RBPMS: variants seen among roughly 807,000 people sequenced by gnomAD.
RBPMS encodes the protein RNA-binding protein with multiple splicing.
In RBPMS, 7 loss-of-function variants were observed where a neutral mutation model predicts 26.8. The ratio of observed to expected loss-of-function variants is 0.26; its 90% CI spans 0.15 to 0.49. The LOEUF is 0.49. RBPMS is among the 20% of genes least tolerant of loss of function. The pLI is 0.98. For missense variants in RBPMS, 186 were observed against 250.0 expected (o/e 0.74, Z 1.73); for synonymous variants, 96 against 93.3 (o/e 1.03, Z -0.17).
At chr8:30,510,107 C>A (rs895762298) in intron 5 of RBPMS, among the ~76,000 whole-genome samples, 4 of 152,172 alleles carry the variant, frequency 2.6e-5, no homozygotes, top group Non-Finnish European at 4.4e-5. Context: ...TGGGCTCTCA[C>A]AAAACATCAC....
chr8:30,441,395 T>A (rs1813059703), intron 1 of RBPMS, among the ~76,000 whole-genome samples: 1 of 152,148 alleles, frequency 6.6e-6, no homozygotes, highest in Admixed American at 6.5e-5. Flanking sequence ...TCATGGTAGC[T>A]AAAATTGCAG....
At chr8:30,500,234 G>C (rs1440683125) in intron 4 of RBPMS, among the ~76,000 whole-genome samples, 1 of 151,956 alleles carries the variant, frequency 6.6e-6, no homozygotes, top group African/African-American at 2.4e-5. Flanking sequence ...TTAACTGGTT[G>C]GTTGTCTCAT....
intron 6 of RBPMS, among the ~76,000 whole-genome samples, chr8:30,547,040 G>A (rs1585840256): frequency 6.6e-6 from 1 of 152,156 alleles, no homozygotes; most frequent in Admixed American, 6.5e-5. Context: ...AAGTAGATGG[G>A]AAGCCTGTAA....
chr8:30,496,201 CTCTG>C (rs1819925534), intron 4 of RBPMS, among the ~76,000 whole-genome samples: 1 of 148,188 alleles, frequency 6.7e-6, no homozygotes, highest in Non-Finnish European at 1.5e-5. Context: ...CGGAGTCTTG[CTCTG>C]TCTCCCAGGC....
At chr8:30,485,947 A>G (rs1439976726) in intron 4 of RBPMS, among the ~76,000 whole-genome samples, 1 of 152,264 alleles carries the variant, frequency 6.6e-6, no homozygotes, top group Non-Finnish European at 1.5e-5. Context: ...GAAAAAACAA[A>G]TGAAGATGCA....
rs113437348 is a variant in RBPMS at position 30,433,515 on chromosome 8, A to G, written c.67-41264A>G. Among the ~76,000 whole-genome samples the G allele has an allele frequency of 6.3e-3, 959 of 152,212 alleles. 13 individuals are homozygous for G. The highest frequency in any genetic ancestry group is 0.022 in the African/African-American group (905 of 41,530). ...GCAAAACCCTGTCTCTACTAACATT[A>G]CAAAAAATTAACCAGGTGTGGTGGT... is the stretch of plus-strand genomic sequence containing the variant. On this transcript the variant is annotated intron_variant, in intron 1 of 8. Coordinates refer to ENST00000397323, the MANE Select transcript of RBPMS (RefSeq NM_001008710.3).
intron 1 of RBPMS, among the ~76,000 whole-genome samples, chr8:30,393,223 T>C (rs1033437763): frequency 4.6e-5 from 7 of 152,096 alleles, no homozygotes; most frequent in African/African-American, 1.7e-4. Context: ...AAATCTGATA[T>C]ATGGTCTTTC....
intron 1 of RBPMS, among the ~76,000 whole-genome samples, chr8:30,459,886 T>C (rs1815691742): frequency 6.6e-6 from 1 of 152,370 alleles, no homozygotes; most frequent in Admixed American, 6.5e-5. Context: ...CCTCGCCCTT[T>C]TTTTCCTCTC....
intron 1 of RBPMS, among the ~76,000 whole-genome samples, chr8:30,440,082 A>G (rs985807644): frequency 6.6e-6 from 1 of 152,150 alleles, no homozygotes; most frequent in Admixed American, 6.6e-5. Flanking sequence ...ACACAAAACA[A>G]AAGTTTACCA....
intron 1 of RBPMS, among the ~76,000 whole-genome samples, chr8:30,458,839 G>A (rs1815549522): frequency 1.3e-5 from 2 of 152,104 alleles, no homozygotes; most frequent in African/African-American, 4.8e-5. Context: ...AGTCTCCTGT[G>A]TATCTGGGAC....
intron 7 of RBPMS, among the ~76,000 whole-genome samples, chr8:30,559,531 G>A (rs573516261): frequency 3.9e-5 from 6 of 152,186 alleles, no homozygotes; most frequent in Admixed American, 2.6e-4. Flanking sequence ...GCCTAACGTT[G>A]CTTCAGAGAA....
chr8:30,556,592 G>C (rs1826941943), intron 6 of RBPMS: 1 of 986,416 alleles, frequency 1.0e-6, no homozygotes, highest in Non-Finnish European at 1.2e-6. Flanking sequence ...GGCCGCACCA[G>C]TCACACCACT....
intron 4 of RBPMS, among the ~76,000 whole-genome samples, chr8:30,481,581 G>A (rs540874883): frequency 6.6e-6 from 1 of 151,518 alleles, no homozygotes; most frequent in South Asian, 2.1e-4. Context: ...CCTTTCTTTA[G>A]CACTGTCCTC....
intron 5 of RBPMS, among the ~76,000 whole-genome samples, chr8:30,533,286 T>C (rs1824428862): frequency 6.6e-6 from 1 of 152,196 alleles, no homozygotes; most frequent in African/African-American, 2.4e-5. Flanking sequence ...CTAGCCTGCC[T>C]CTGAAAGCAA....
At chr8:30,536,636 ATTT>A (rs1401360628) in intron 5 of RBPMS, among the ~76,000 whole-genome samples, 1 of 152,150 alleles carries the variant, frequency 6.6e-6, no homozygotes, top group African/African-American at 2.4e-5. Flanking sequence ...TTGTTTATAA[ATTT>A]TTTATTTTTA....
intron 1 of RBPMS, among the ~76,000 whole-genome samples, chr8:30,463,916 A>G (rs1482122337): frequency 6.6e-6 from 1 of 152,186 alleles, no homozygotes; most frequent in African/African-American, 2.4e-5. Flanking sequence ...GGGGAGGTGG[A>G]GGTGGGTGGA....
In RBPMS at chr8:30,456,618, G is replaced by A. The variant is rs182699905; in HGVS notation, c.67-18161G>A. Reference sequence around the variant, plus strand: ...ATTTGGAAATTCTTTCACTGGGATCGGAACAAATTACCTGTAATTAACAAT... The same window carrying A: ...ATTTGGAAATTCTTTCACTGGGATCAGAACAAATTACCTGTAATTAACAAT... On this transcript the variant is annotated intron_variant, in intron 1 of 8. Transcript: ENST00000397323. Among the ~76,000 whole-genome samples the A allele has an allele frequency of 1.5e-3, 223 of 152,096 alleles. 1 individual carries two copies. Among genetic ancestry groups the A allele is most frequent in the African/African-American group, 5.1e-3 (210 of 41,502 alleles).
At chr8:30,561,834 G>A in intron 7 of RBPMS, 3 of 984,202 alleles carry the variant, frequency 3.0e-6, no homozygotes, top group Non-Finnish European at 3.6e-6. Flanking sequence ...ATTTATGTAG[G>A]CCACAGAGAA....
intron 8 of RBPMS, among the ~76,000 whole-genome samples, chr8:30,568,914 G>A (rs112711001): frequency 0.013 from 1,977 of 152,012 alleles, 50 homozygotes; most frequent in African/African-American, 0.044. Context: ...CATTTACATG[G>A]CAGTTATGGA....
Sources: gnomAD v4.1 joint callset for allele counts (sites outside exome capture counted in the v4.1 genomes callset) on GRCh38, gnomAD v4.1.1 for gene constraint, MANE v1.5 for transcripts, NCBI Gene and HGNC (gene_info 2026-07-23, HGNC 2026-07-21) for gene names.